The following DACH1 variants were observed in gnomAD, a reference collection of about 807,000 sequenced individuals.
The protein encoded by DACH1 is dachshund family transcription factor 1, also known as dachshund homolog 1.
Under a neutral mutation model 54.2 loss-of-function variants are expected in DACH1, and 12 were observed. The ratio of observed to expected loss-of-function variants is 0.22; its 90% CI spans 0.14 to 0.36. The LOEUF (loss-of-function observed/expected upper bound fraction) is 0.36. Among genes scored for constraint, DACH1 ranks in the 10% least tolerant of loss-of-function variants. The pLI, the probability that DACH1 is intolerant of heterozygous loss-of-function variation, is 1.00. For missense variants in DACH1, 805 were observed against 929.8 expected (o/e 0.87, Z 1.75); for synonymous variants, 386 against 366.2 (o/e 1.05, Z -0.62).
At chr13:71,751,948 G>A (rs1884946703) in intron 1 of DACH1, among the ~76,000 whole-genome samples, 1 of 151,996 alleles carries the variant, frequency 6.6e-6, no homozygotes, top group Non-Finnish European at 1.5e-5. Context: ...CCAATTTATG[G>A]CATTGTTTAT....
At chr13:71,464,686 CATTT>C (rs1393546810) in intron 10 of DACH1, 1 of 452,184 alleles carries the variant, frequency 2.2e-6, no homozygotes, top group East Asian at 7.0e-5. Flanking sequence ...GAGATTCATT[CATTT>C]AATTTTAATT....
At chr13:71,738,731 C>CAAAAAAAAAAAAAAAAAAA (rs34856567) in intron 1 of DACH1, among the ~76,000 whole-genome samples, 4 of 24,070 alleles carry the variant, frequency 1.7e-4, no homozygotes, top group East Asian at 6.4e-4. Context: ...GACTCTGTCT[C>CAAAAAAAAAAAAAAAAAAA]AAAAAAAAAA....
At chr13:71,739,287 G>A (rs1884285272) in intron 1 of DACH1, among the ~76,000 whole-genome samples, 1 of 151,854 alleles carries the variant, frequency 6.6e-6, no homozygotes, top group Admixed American at 6.6e-5. Context: ...ATTGGCCAAT[G>A]AAAAGAAGTG....
At chr13:71,589,037 A>T (rs2138454509) in intron 3 of DACH1, among the ~76,000 whole-genome samples, 1 of 152,164 alleles carries the variant, frequency 6.6e-6, no homozygotes, top group African/African-American at 2.4e-5. Flanking sequence ...TTTATCAAAA[A>T]AATAAAATAA....
Position 71,741,504 on chromosome 13 carries a change from T to C in DACH1, c.849-59594A>G, listed in dbSNP as rs559245231. ...TTAGGGGAAAATCCTACAATCCACTTCTTTATTTTATTTAGTATTGTATTT... is the reference window on the plus strand; with the variant it reads ...TTAGGGGAAAATCCTACAATCCACTCCTTTATTTTATTTAGTATTGTATTT... On this transcript the variant is annotated intron_variant, in intron 1 of 10. Transcript: ENST00000613252. 1.2e-3 allele frequency among the ~76,000 whole-genome samples: 185 copies of C among 152,280 alleles called. 1 individual carries two copies. The highest frequency in any genetic ancestry group is 2.1e-3 in the Non-Finnish European group (142 of 67,998).
chr13:71,670,714 T>C (rs1880157034), intron 2 of DACH1, among the ~76,000 whole-genome samples: 1 of 152,082 alleles, frequency 6.6e-6, no homozygotes, highest in African/African-American at 2.4e-5. Context: ...AAGTTAGCAA[T>C]GGCATTGAAT....
chr13:71,659,160 A>C (rs762261504), intron 2 of DACH1, among the ~76,000 whole-genome samples: 11 of 152,300 alleles, frequency 7.2e-5, no homozygotes, highest in Middle Eastern at 3.4e-3. Flanking sequence ...TACGTAATGA[A>C]TACTGAGAGG....
chr13:71,796,156 A>G (rs1266889223), intron 1 of DACH1, among the ~76,000 whole-genome samples: 1 of 152,150 alleles, frequency 6.6e-6, no homozygotes, highest in Non-Finnish European at 1.5e-5. Flanking sequence ...TGACTTCACA[A>G]TGGCCTCAAT....
At chr13:71,678,001 A>G (rs1880673063) in intron 2 of DACH1, among the ~76,000 whole-genome samples, 3 of 152,216 alleles carry the variant, frequency 2.0e-5, no homozygotes, top group Admixed American at 1.3e-4. Flanking sequence ...TACAGGCATC[A>G]GCCACCGCCC....
At chr13:71,676,351 G>A (rs1441392898) in intron 2 of DACH1, among the ~76,000 whole-genome samples, 2 of 152,030 alleles carry the variant, frequency 1.3e-5, no homozygotes, top group Non-Finnish European at 2.9e-5. Context: ...CCGAGTAGCT[G>A]GAATTACAGG....
intron 7 of DACH1, among the ~76,000 whole-genome samples, chr13:71,481,843 A>G (rs927306944): frequency 2.0e-5 from 3 of 152,230 alleles, no homozygotes; most frequent in African/African-American, 7.2e-5. Context: ...GTAGCCATCA[A>G]TGATAATAAT....
intron 1 of DACH1, among the ~76,000 whole-genome samples, chr13:71,864,176 C>T (rs1214427103): frequency 3.8e-5 from 4 of 105,362 alleles, no homozygotes; most frequent in South Asian, 7.0e-4. Context: ...CGCGCGCGCG[C>T]ACATACACAC....
At chr13:71,492,617 C>T (rs376303991) in intron 6 of DACH1, among the ~76,000 whole-genome samples, 29 of 151,834 alleles carry the variant, frequency 1.9e-4, no homozygotes, top group East Asian at 9.7e-4. Flanking sequence ...GGGTTAAGGT[C>T]ATTTGTTATG....
chr13:71,668,430 A>C (rs1879992404), intron 2 of DACH1, among the ~76,000 whole-genome samples: 1 of 152,146 alleles, frequency 6.6e-6, no homozygotes, highest in Non-Finnish European at 1.5e-5. Flanking sequence ...AATGAAAACT[A>C]ATGGAAATGT....
rs1873935681 is a variant in DACH1 at position 71,440,682 on chromosome 13, C to T, written c.2094G>A (p.Leu698=). ...AGTACATGACAGTAGTTTTCAAATA[C>T]AGTCTTCCATCTAGAAATGAACAGT... The part of the protein sequence containing the change: ...DAERTIQDGR[L]YLKTTVMY The change falls in exon 11 of 11, where the codon CTG becomes CTA. Residue 698 remains leucine, a synonymous_variant. Transcript: ENST00000613252. 6.2e-7 allele frequency: 1 copy of T among 1,604,162 alleles called. No individual in the cohort carries two copies. Among genetic ancestry groups the T allele is most frequent in the Non-Finnish European group, 8.5e-7 (1 of 1,174,908 alleles).
At chr13:71,754,945 G>A (rs537620625) in intron 1 of DACH1, among the ~76,000 whole-genome samples, 2 of 152,200 alleles carry the variant, frequency 1.3e-5, no homozygotes, top group East Asian at 3.9e-4. Flanking sequence ...CAGGAGATGG[G>A]CAAAAAGACC....
intron 2 of DACH1, chr13:71,675,320 A>C: frequency 6.3e-7 from 1 of 1,593,518 alleles, no homozygotes; most frequent in Non-Finnish European, 8.6e-7. Flanking sequence ...CTGCGCTTCC[A>C]GAGCGCAGCT....
At chr13:71,860,323 A>T (rs972385452) in intron 1 of DACH1, among the ~76,000 whole-genome samples, 1 of 151,836 alleles carries the variant, frequency 6.6e-6, no homozygotes, top group African/African-American at 2.4e-5. Context: ...ACATATGCTA[A>T]GGTCATTCTA....
chr13:71,447,698 T>C (rs928898590), intron 10 of DACH1, among the ~76,000 whole-genome samples: 1 of 151,444 alleles, frequency 6.6e-6, no homozygotes, highest in African/African-American at 2.4e-5. Flanking sequence ...CTGGATGTGG[T>C]GGCACACGCC....
Sources: allele counts gnomAD v4.1 joint callset (sites outside exome capture counted in the v4.1 genomes callset), GRCh38; gene constraint gnomAD v4.1.1; transcripts MANE v1.5; gene names NCBI Gene and HGNC (gene_info 2026-07-23, HGNC 2026-07-21).